CDYL2: variants seen among roughly 807,000 people sequenced by gnomAD.
CDYL2 encodes chromodomain Y like 2, also known as chromodomain Y-like protein 2.
Under a neutral mutation model 49.4 loss-of-function variants are expected in CDYL2, and 23 were observed. That is an observed-to-expected ratio of 0.47 (90% confidence interval 0.34 to 0.66). CDYL2 has a LOEUF of 0.66. Among genes scored for constraint, CDYL2 ranks in the 30% least tolerant of loss-of-function variants. The pLI is 0.01. For synonymous variants in CDYL2, 360 were observed against 268.8 expected (o/e 1.34, Z -3.32); for missense variants, 678 against 656.4 (o/e 1.03, Z -0.36).
At chr16:80,775,793 G>C (rs1907063067) in intron 1 of CDYL2, among the ~76,000 whole-genome samples, 1 of 151,630 alleles carries the variant, frequency 6.6e-6, no homozygotes, top group East Asian at 1.9e-4. Flanking sequence ...ACGATCTACA[G>C]AATTTACTTG....
intron 1 of CDYL2, among the ~76,000 whole-genome samples, chr16:80,772,712 A>G (rs1025831972): frequency 6.6e-6 from 1 of 152,192 alleles, no homozygotes; most frequent in African/African-American, 2.4e-5. Context: ...CGGCCTCCCA[A>G]AGTGCTGGGA....
chr16:80,666,603 A>C (rs1428630548), intron 2 of CDYL2, among the ~76,000 whole-genome samples: 1 of 152,208 alleles, frequency 6.6e-6, no homozygotes, highest in Non-Finnish European at 1.5e-5. Context: ...AGATGAGCCA[A>C]TGGGAAGGGA....
intron 3 of CDYL2, among the ~76,000 whole-genome samples, chr16:80,629,913 T>G (rs1907477738): frequency 6.6e-6 from 1 of 152,238 alleles, no homozygotes. Context: ...CCAGGTACTT[T>G]GTGGGCTCCT....
chr16:80,750,794 C>T (rs994675792), intron 1 of CDYL2, among the ~76,000 whole-genome samples: 3 of 152,090 alleles, frequency 2.0e-5, no homozygotes, highest in Admixed American at 6.5e-5. Context: ...CCGAGGCAGG[C>T]GGATCACGAG....
chr16:80,705,617 A>G (rs1904379519), intron 1 of CDYL2, among the ~76,000 whole-genome samples: 1 of 152,248 alleles, frequency 6.6e-6, no homozygotes, highest in Non-Finnish European at 1.5e-5. Flanking sequence ...CATTTCTTTC[A>G]GTAGAACTGG....
intron 3 of CDYL2, among the ~76,000 whole-genome samples, chr16:80,631,430 C>G (rs1026259874): frequency 6.6e-6 from 1 of 152,156 alleles, no homozygotes; most frequent in Non-Finnish European, 1.5e-5. Context: ...GCCATGTACC[C>G]TGTATTTTGA....
At chr16:80,791,017 C>A (rs79063720) in intron 1 of CDYL2, among the ~76,000 whole-genome samples, 1 of 152,234 alleles carries the variant, frequency 6.6e-6, no homozygotes, top group Non-Finnish European at 1.5e-5. Context: ...GAGGCCCTCA[C>A]TTTTCATCGC....
chr16:80,702,056 G>T (rs1377111221), intron 1 of CDYL2, among the ~76,000 whole-genome samples: 2 of 152,256 alleles, frequency 1.3e-5, no homozygotes, highest in Middle Eastern at 3.4e-3. Context: ...TATTGCATAA[G>T]TGGGATTGGG....
chr16:80,606,856 GT>G (rs147216462), intron 6 of CDYL2, among the ~76,000 whole-genome samples: 11,049 of 152,212 alleles, frequency 0.073, 746 homozygotes, highest in African/African-American at 0.18. Context: ...TGTCACTTCT[GT>G]CTTGTCTGCC....
chr16:80,637,506 A>C (rs9930510), intron 2 of CDYL2, among the ~76,000 whole-genome samples: 9,009 of 152,264 alleles, frequency 0.059, 823 homozygotes, highest in African/African-American at 0.2. Context: ...AGAAAGTACG[A>C]AAGAACTGGA....
In CDYL2 at chr16:80,599,514, G is replaced by C. The variant is rs1401040779; in HGVS notation, c.*4874C>G. ...TATGTTCTACATTTAGTTTGCCTTT[G>C]TCCTGCTAAACTCCAGTTTAGTATG... is the stretch of plus-strand genomic sequence containing the variant. On this transcript the variant is annotated 3_prime_UTR_variant, in exon 7 of 7. Transcript: ENST00000570137. The C allele has an allele frequency of 1.3e-5, 2 of 152,152 alleles. No individual in the cohort carries two copies. The highest frequency in any genetic ancestry group is 4.8e-5 in the African/African-American group (2 of 41,440). The allele number at this position is 152,152 out of a possible 1,614,324, so 9.4% of individuals were successfully genotyped here.
In CDYL2 at chr16:80,676,961, G is replaced by GTCTTTTTTTTTTTTTTTTTTTTTT. The variant is rs1407459686; in HGVS notation, c.616+7576_616+7577insAAAAAAAAAAAAAAAAAAAAAAGA. On this transcript the variant is annotated intron_variant, in intron 2 of 6. Coordinates refer to ENST00000570137, the MANE Select transcript of CDYL2 (RefSeq NM_152342.4). Reference sequence around the variant, plus strand: ...AGGACTTTTTAACAACCAATTCAATGTATTTTTTTTTTTTTTTTTTTTTTT... The same window carrying GTCTTTTTTTTTTTTTTTTTTTTTT: ...AGGACTTTTTAACAACCAATTCAATGTCTTTTTTTTTTTTTTTTTTTTTTTATTTTTTTTTTTTTTTTTTTTTTT... Among the ~76,000 whole-genome samples the GTCTTTTTTTTTTTTTTTTTTTTTT allele has an allele frequency of 5.4e-5, 6 of 110,518 alleles. 2 individuals are homozygous for GTCTTTTTTTTTTTTTTTTTTTTTT. Among genetic ancestry groups the GTCTTTTTTTTTTTTTTTTTTTTTT allele is most frequent in the African/African-American group, 1.0e-4 (3 of 29,090 alleles). 72.5% of individuals were successfully genotyped at this position (110,518 alleles called of 152,430 possible).
chr16:80,668,874 G>C (rs1458101017), intron 2 of CDYL2, among the ~76,000 whole-genome samples: 1 of 151,852 alleles, frequency 6.6e-6, no homozygotes, highest in East Asian at 1.9e-4. Context: ...ACTCCAACCT[G>C]GGCGACAGAG....
At chr16:80,696,678 C>A (rs923643329) in intron 1 of CDYL2, among the ~76,000 whole-genome samples, 4 of 151,122 alleles carry the variant, frequency 2.6e-5, no homozygotes, top group African/African-American at 7.3e-5. Flanking sequence ...AAATAGGAAA[C>A]CTGAATAGAC....
intron 4 of CDYL2, among the ~76,000 whole-genome samples, chr16:80,618,232 A>C (rs540294564): frequency 1.3e-5 from 2 of 152,340 alleles, no homozygotes; most frequent in South Asian, 4.1e-4. Flanking sequence ...ATGTTTCCCC[A>C]GAACTACTCA....
chr16:80,642,640 G>A (rs766122339), intron 2 of CDYL2, among the ~76,000 whole-genome samples: 1 of 152,088 alleles, frequency 6.6e-6, no homozygotes, highest in Non-Finnish European at 1.5e-5. Flanking sequence ...CACGTGGCTG[G>A]GGAGGCCTCA....
At chr16:80,716,651 G>A (rs543382627) in intron 1 of CDYL2, among the ~76,000 whole-genome samples, 33 of 152,172 alleles carry the variant, frequency 2.2e-4, no homozygotes, top group African/African-American at 7.7e-4. Context: ...ATGATACATG[G>A]ATGACTGGAT....
At chr16:80,753,800 G>T (rs567904829) in intron 1 of CDYL2, among the ~76,000 whole-genome samples, 2 of 152,298 alleles carry the variant, frequency 1.3e-5, no homozygotes, top group African/African-American at 4.8e-5. Flanking sequence ...CCATTAAAAT[G>T]ACGAATGTCT....
At chr16:80,693,978 G>T (rs1423033314) in intron 1 of CDYL2, among the ~76,000 whole-genome samples, 1 of 152,166 alleles carries the variant, frequency 6.6e-6, no homozygotes, top group African/African-American at 2.4e-5. Flanking sequence ...AGAAAACTGT[G>T]TTTTAATTGG....
Sources: allele counts gnomAD v4.1 joint callset (sites outside exome capture counted in the v4.1 genomes callset), GRCh38; gene constraint gnomAD v4.1.1; transcripts MANE v1.5; gene names NCBI Gene and HGNC (gene_info 2026-07-23, HGNC 2026-07-21).